Variants in SLC39A11 observed in about 807,000 individuals in gnomAD.
SLC39A11 encodes the protein zinc transporter ZIP11.
A neutral mutation model predicts 36.1 loss-of-function variants in SLC39A11; 33 were observed. That is an observed-to-expected ratio of 0.91 (90% CI 0.69 to 1.22). SLC39A11 has a LOEUF of 1.22. Among genes scored for constraint, SLC39A11 ranks in the 50% most tolerant of loss-of-function variants. The pLI is 0.00. For missense variants in SLC39A11, 432 were observed against 430.3 expected, an observed-to-expected ratio of 1.00 and a Z score of -0.03; for synonymous variants, 166 against 170.3, an observed-to-expected ratio of 0.97 and a Z score of 0.20.
At chr17:72,856,507 G>A (rs765708468) in intron 5 of SLC39A11, among the ~76,000 whole-genome samples, 7 of 152,012 alleles carry the variant, frequency 4.6e-5, no homozygotes, top group Non-Finnish European at 1.0e-4. Context: ...TCAGACAGAC[G>A]TATCCACTTG....
chr17:72,669,457 T>C (rs889353456), intron 7 of SLC39A11, among the ~76,000 whole-genome samples: 3 of 152,228 alleles, frequency 2.0e-5, no homozygotes, highest in African/African-American at 7.2e-5. Flanking sequence ...TTTTGTAGAA[T>C]GTCTCTCAAA....
At chr17:73,002,227 A>G (rs2089862696) in intron 4 of SLC39A11, among the ~76,000 whole-genome samples, 1 of 152,194 alleles carries the variant, frequency 6.6e-6, no homozygotes, top group Admixed American at 6.5e-5. Flanking sequence ...ATATGAAAAA[A>G]AATGCTTCTT....
chr17:72,974,319 C>T (rs1402420324), intron 4 of SLC39A11, among the ~76,000 whole-genome samples: 1 of 151,522 alleles, frequency 6.6e-6, no homozygotes, highest in South Asian at 2.1e-4. Context: ...AGGCTGGTCT[C>T]TAAGTCTTGA....
Position 72,849,778 on chromosome 17 carries a change from G to A in SLC39A11, c.457C>T (p.Gln153Ter). Reference sequence around the variant, plus strand: ...CCAGTGGCTGCCGCCTTCTTTCTCTGATATGCCTCACCATTCTCACTCTTG... The same window carrying A: ...CCAGTGGCTGCCGCCTTCTTTCTCTAATATGCCTCACCATTCTCACTCTTG... The part of the protein sequence containing the change: ...IDKSENGEAY[Q>*]RKKAAATGLP... Residue 153 changes from glutamine to a stop codon, truncating the protein, a stop_gained, in exon 6 of 10, where the codon CAG becomes TAG. Transcript: ENST00000255559. LOFTEE classifies it high-confidence loss of function. The A allele has an allele frequency of 2.5e-6, 4 of 1,579,872 alleles. No individual in the cohort carries two copies. The highest frequency in any genetic ancestry group is 3.4e-6 in the Non-Finnish European group (4 of 1,168,144).
chr17:72,966,059 C>T (rs1396763395), intron 4 of SLC39A11, among the ~76,000 whole-genome samples: 1 of 152,216 alleles, frequency 6.6e-6, no homozygotes, highest in Non-Finnish European at 1.5e-5. Flanking sequence ...GGAAAAGAGC[C>T]CTTGGCTGCA....
intron 3 of SLC39A11, among the ~76,000 whole-genome samples, chr17:73,068,952 A>G (rs990521937): frequency 4.6e-5 from 7 of 152,110 alleles, no homozygotes; most frequent in Non-Finnish European, 1.0e-4. Flanking sequence ...TAGAGAACAG[A>G]GCACAACTCC....
chr17:72,677,919 G>C (rs915530624), intron 7 of SLC39A11, among the ~76,000 whole-genome samples: 1 of 152,130 alleles, frequency 6.6e-6, no homozygotes, highest in Non-Finnish European at 1.5e-5. Flanking sequence ...TGGAAACAAC[G>C]TCACCACCTA....
intron 3 of SLC39A11, among the ~76,000 whole-genome samples, chr17:73,063,523 G>A (rs2059908738): frequency 6.6e-6 from 1 of 152,078 alleles, no homozygotes; most frequent in Admixed American, 6.6e-5. Flanking sequence ...GCTGAGGCAG[G>A]AGAATCACTT....
intron 6 of SLC39A11, among the ~76,000 whole-genome samples, chr17:72,750,319 C>T (rs1190961267): frequency 1.3e-5 from 2 of 151,996 alleles, no homozygotes; most frequent in Non-Finnish European, 2.9e-5. Context: ...CCAGATACCT[C>T]GGAACCACAA....
intron 4 of SLC39A11, among the ~76,000 whole-genome samples, chr17:73,016,501 G>A (rs2058171892): frequency 6.6e-6 from 1 of 151,778 alleles, no homozygotes; most frequent in Non-Finnish European, 1.5e-5. Context: ...ACTCTGCTAA[G>A]TTTTGTATTT....
chr17:73,079,304 T>C (rs2060437874), intron 3 of SLC39A11, among the ~76,000 whole-genome samples: 1 of 151,906 alleles, frequency 6.6e-6, no homozygotes, highest in African/African-American at 2.4e-5. Context: ...ACCATGTTGG[T>C]CACGCTGGTC....
At chr17:73,079,626 G>T (rs2060449184) in intron 3 of SLC39A11, among the ~76,000 whole-genome samples, 1 of 152,092 alleles carries the variant, frequency 6.6e-6, no homozygotes, top group African/African-American at 2.4e-5. Context: ...ATTCAACATA[G>T]TACTAGAAGT....
At chr17:72,953,881 T>C (rs1469566256) in intron 4 of SLC39A11, among the ~76,000 whole-genome samples, 1 of 152,204 alleles carries the variant, frequency 6.6e-6, no homozygotes, top group East Asian at 1.9e-4. Flanking sequence ...TGTCAGCGTC[T>C]GGGAGGCAAA....
intron 5 of SLC39A11, among the ~76,000 whole-genome samples, chr17:72,923,271 G>A (rs2083809094): frequency 6.6e-6 from 1 of 152,090 alleles, no homozygotes; most frequent in Non-Finnish European, 1.5e-5. Flanking sequence ...TGGGCCAATA[G>A]GACCCAGTGG....
At chr17:72,806,934 C>A (rs78062128) in intron 6 of SLC39A11, among the ~76,000 whole-genome samples, 10 of 152,256 alleles carry the variant, frequency 6.6e-5, no homozygotes, top group African/African-American at 2.2e-4. Context: ...GGAATGCTGA[C>A]GAGTCACCAG....
At chr17:72,729,436 TATA>T (rs2074099009) in intron 7 of SLC39A11, among the ~76,000 whole-genome samples, 2 of 3,504 alleles carry the variant, frequency 5.7e-4, no homozygotes, top group Non-Finnish European at 1.2e-3. Flanking sequence ...TATATATATA[TATA>T]TATATATATA....
At chr17:72,858,579 T>C (rs539219192) in intron 5 of SLC39A11, among the ~76,000 whole-genome samples, 1 of 152,378 alleles carries the variant, frequency 6.6e-6, no homozygotes, top group Non-Finnish European at 1.5e-5. Flanking sequence ...TATAGGCATT[T>C]TAATACTATC....
chr17:72,722,635 C>CT lies in SLC39A11; in HGVS notation c.671+14014dup, dbSNP rs145878938. ...AACTAATTTCTGGTGGTAAATAACACTTTTTTTTTTCTTTTTTGAGACAGA... is the reference window on the plus strand; with the variant it reads ...AACTAATTTCTGGTGGTAAATAACACTTTTTTTTTTTCTTTTTTGAGACAGA... On this transcript the variant is annotated intron_variant, in intron 7 of 9. Coordinates refer to ENST00000255559, the MANE Select transcript of SLC39A11 (RefSeq NM_139177.4). Among the ~76,000 whole-genome samples the CT allele has an allele frequency of 2.9e-3, 428 of 149,594 alleles. 9 individuals carry two copies. In the East Asian group the frequency reaches 0.031, roughly 11 times the overall value.
Position 73,041,010 on chromosome 17 carries a change from A to AC in SLC39A11, c.148-9297_148-9296insG, listed in dbSNP as rs1555690050. Among the ~76,000 whole-genome samples, 11 of 100,174 alleles carry AC rather than the reference A, an allele frequency of 1.1e-4. 1 individual carries two copies. Among genetic ancestry groups the AC allele is most frequent in the African/African-American group, 7.7e-4 (11 of 14,284 alleles). 65.7% of individuals were successfully genotyped at this position (100,174 alleles called of 152,430 possible). ...AAAAAAAAAACAAAAAACAAAAAACAAAAAAAAAAAACAGTATTAACAGTA... is the reference window on the plus strand; with the variant it reads ...AAAAAAAAAACAAAAAACAAAAAACACAAAAAAAAAAACAGTATTAACAGTA... On this transcript the variant is annotated intron_variant, in intron 3 of 9. Transcript: ENST00000255559.
Sources: gnomAD v4.1 joint callset for allele counts (sites outside exome capture counted in the v4.1 genomes callset) on GRCh38, gnomAD v4.1.1 for gene constraint, MANE v1.5 for transcripts, NCBI Gene and HGNC (gene_info 2026-07-23, HGNC 2026-07-21) for gene names.